Variants in GSDMD observed in about 807,000 individuals in gnomAD.
The protein encoded by GSDMD is gasdermin-D.
In GSDMD, 46 loss-of-function variants were observed where a neutral mutation model predicts 46.7. That is an observed-to-expected ratio of 0.99 (90% CI 0.78 to 1.26). The LOEUF is 1.26. GSDMD is among the 50% of genes most tolerant of loss of function. The pLI is 0.00. For synonymous variants in GSDMD, 307 were observed against 283.1 expected (o/e 1.08, Z -0.85); for missense variants, 649 against 638.8 (o/e 1.02, Z -0.17).
rs556716004 is a variant in GSDMD at position 143,560,642 on chromosome 8, G to T, written c.450G>T (p.Leu150=). Residue 150 remains leucine, a synonymous_variant, in exon 4 of 11, where the codon CTG becomes CTT. Transcript: ENST00000262580. ...RQPEHKVLQQ[L]RSRGDNVYVV... ...CAGAACACAAAGTCCTGCAGCAGCT[G>T]CGCAGCCGCGGGGACAACGTGTACG... 1.2e-5 allele frequency: 19 copies of T among 1,590,806 alleles called. No individual in the cohort carries two copies. The African/African-American group carries it at 2.5e-4, about 21-fold the overall frequency.
At chr8:143,561,875 G>GC (rs764873857) in intron 7 of GSDMD, 47 bp downstream of exon 7, 4 of 1,609,690 alleles carry the variant, frequency 2.5e-6, no homozygotes, top group South Asian at 1.1e-5. Flanking sequence ...GGGCTCTCCT[G>GC]CCCCCTGGGG....
chr8:143,561,635 G>C (rs915162393), intron 6 of GSDMD, 107 bp from the exon 7 acceptor site: 11 of 1,026,638 alleles, frequency 1.1e-5, no homozygotes, highest in Non-Finnish European at 1.6e-5. Context: ...GCCAGTGTTG[G>C]CAGTGGTGAG....
upstream of GSDMD, among the ~76,000 whole-genome samples, chr8:143,557,442 C>A (rs113639311): frequency 6.7e-6 from 1 of 149,922 alleles, no homozygotes; most frequent in Non-Finnish European, 1.5e-5. Context: ...GCCGCTGTGA[C>A]GACGGATGCT....
intron 1 of GSDMD, 180 bp downstream of exon 1, chr8:143,558,631 G>T: frequency 1.6e-6 from 1 of 641,854 alleles, no homozygotes; most frequent in Non-Finnish European, 2.5e-6. Flanking sequence ...CAGCCCAGGG[G>T]CCCGGCCTTT....
At chr8:143,559,113 C>T in intron 1 of GSDMD, 1 of 599,622 alleles carries the variant, frequency 1.7e-6, no homozygotes, top group Non-Finnish European at 3.0e-6. Context: ...TGGAGGTGCT[C>T]ATGGTACCGT....
At position 143,562,278 on chromosome 8, in the gene GSDMD, CTGG is replaced by C. The variant is rs1823482605; in HGVS notation, c.1069_1071del (p.Val357del). 1 of 1,556,174 alleles carries C rather than the reference CTGG, an allele frequency of 6.4e-7. No homozygotes were observed. Among genetic ancestry groups the C allele is most frequent in the Non-Finnish European group, 8.7e-7 (1 of 1,151,304 alleles). On this transcript the variant is annotated inframe_deletion, in exon 9 of 11. Transcript: ENST00000262580. ...TCCAGCAGGTGCTGTCCTGGAGTGC[CTGG>C]TGTTGTCCTCCGGAATGCTGGTGCC... is the stretch of plus-strand genomic sequence containing the variant.
Position 143,560,787 on chromosome 8 carries a change from C to CG in GSDMD, c.579+19dup. 6.6e-7 allele frequency: 1 copy of CG among 1,511,016 alleles called. No individual in the cohort carries two copies. Among genetic ancestry groups the CG allele is most frequent in the Non-Finnish European group, 8.8e-7 (1 of 1,129,982 alleles). The allele number at this position is 1,511,016 out of a possible 1,614,324, so 93.6% of individuals were successfully genotyped here. On this transcript the variant is annotated intron_variant, in intron 4 of 10. Coordinates refer to ENST00000262580, the MANE Select transcript of GSDMD (RefSeq NM_024736.7). ...GTGCTTGCAGGTGTGTAGCCAGCCCCGGGCCACGCCTGGCCCCCCACGTGG... is the reference window on the plus strand; with the variant it reads ...GTGCTTGCAGGTGTGTAGCCAGCCCCGGGGCCACGCCTGGCCCCCCACGTGG...
chr8:143,560,417 G>A (rs1387667126), intron 3 of GSDMD, 186 bp from the exon 4 acceptor site: 1 of 646,888 alleles, frequency 1.5e-6, no homozygotes, highest in East Asian at 2.7e-5. Context: ...GAGTCCCCGA[G>A]TCCACCTTTC....
At chr8:143,561,131 G>T in intron 5 of GSDMD, 27 bp downstream of exon 5, 1 of 1,598,518 alleles carries the variant, frequency 6.3e-7, no homozygotes, top group Non-Finnish European at 8.6e-7. Context: ...GGTGTCTCGG[G>T]CCCAGGCCCT....
chr8:143,561,307 G>T, intron 5 of GSDMD, 63 bp from the exon 6 acceptor site: 2 of 1,486,758 alleles, frequency 1.3e-6, no homozygotes, highest in East Asian at 2.4e-5. Context: ...TAGTAGGGGA[G>T]GGGAGGGGAT....
chr8:143,561,037 G>A lies in GSDMD; in HGVS notation c.615G>A (p.Thr205=), dbSNP rs145648319. The change falls in exon 5 of 11, where the codon ACG becomes ACA. Residue 205 remains threonine (T), a synonymous_variant. Transcript: ENST00000262580. ...EGQGHLSQKK[T]VTIPSGSTLA... ...AGGGCCATCTGAGCCAGAAGAAGAC[G>A]GTCACCATCCCCTCAGGCAGCACCC... The A allele has an allele frequency of 1.0e-4, 163 of 1,613,036 alleles. No individual in the cohort carries two copies. The highest frequency in any genetic ancestry group is 1.1e-4 in the Non-Finnish European group (130 of 1,179,960).
chr8:143,558,555 G>C lies in GSDMD; in HGVS notation c.-5+104G>C, dbSNP rs532939073. 9.9e-4 allele frequency: 1,125 copies of C among 1,133,890 alleles called. 6 individuals are homozygous for C. The highest frequency in any genetic ancestry group is 1.9e-3 in the East Asian group (60 of 31,892). 70.2% of individuals were successfully genotyped at this position (1,133,890 alleles called of 1,614,324 possible). ...TGCTGGCCCTGCTGCCCCAGCGTTC[G>C]CCCAGAAGGCCCCGCGCCGCACACG... On this transcript the variant is annotated intron_variant, in intron 1 of 10. Transcript: ENST00000262580.
Position 143,561,785 on chromosome 8 carries a change from CT to C in GSDMD, c.781del (p.Ser261LeufsTer5). 6.2e-7 allele frequency: 1 copy of C among 1,610,580 alleles called. No individual in the cohort carries two copies. Among genetic ancestry groups the C allele is most frequent in the Non-Finnish European group, 8.5e-7 (1 of 1,178,882 alleles). ...GCGAAGGCGCCTGGCCACAGCTGCC[CT>C]CTGGCCTCTCCATGATGAGGTGCCT... is the stretch of plus-strand genomic sequence containing the variant. Reference protein sequence around the residue: ...TSEGAWPQLPSGLSMMRCLHN... With the variant: ...TSEGAWPQLPXGLSMMRCLHN... On this transcript the variant is annotated frameshift_variant, in exon 7 of 11. Coordinates refer to ENST00000262580, the MANE Select transcript of GSDMD (RefSeq NM_024736.7). LOFTEE classifies it high-confidence loss of function.
rs761063210 is a variant in GSDMD, at chr8:143,559,368, A to G, written c.33A>G (p.Arg11=). Residue 11 remains arginine (R), a synonymous_variant, in exon 2 of 11, where the codon AGA becomes AGG. Coordinates refer to ENST00000262580, the MANE Select transcript of GSDMD (RefSeq NM_024736.7). MGSAFERVVR[R]VVQELDHGGE... ...CGGCCTTTGAGCGGGTAGTCCGGAGAGTGGTCCAGGAGCTGGACCATGGTG... is the reference window on the plus strand; with the variant it reads ...CGGCCTTTGAGCGGGTAGTCCGGAGGGTGGTCCAGGAGCTGGACCATGGTG... The G allele has an allele frequency of 1.3e-4, 201 of 1,555,468 alleles. No homozygotes were observed. The highest frequency in any genetic ancestry group is 5.5e-4 in the Admixed American group (32 of 57,820).
In GSDMD at chr8:143,559,521, G is replaced by A. The variant is rs1475107029; in HGVS notation, c.186G>A (p.Lys62=). 1.9e-6 allele frequency: 3 copies of A among 1,612,822 alleles called. No individual in the cohort carries two copies. The highest frequency in any genetic ancestry group is 2.5e-6 in the Non-Finnish European group (3 of 1,179,948). The stretch of plus-strand genomic sequence containing the variant: ...ATAAGTGTGTCAACCTGTCTATCAA[G>A]GACATCCTGGAGCCGGATGCCGCGG... ...PRYKCVNLSI[K]DILEPDAAEP... Residue 62 remains lysine, a synonymous_variant, in exon 2 of 11, where the codon AAG becomes AAA. Transcript: ENST00000262580.
chr8:143,554,127 G>A (rs899253744), upstream of GSDMD, among the ~76,000 whole-genome samples: 2 of 152,252 alleles, frequency 1.3e-5, no homozygotes, highest in Non-Finnish European at 2.9e-5. Context: ...GGGAGGAGGG[G>A]AGGAGGGAGG....
chr8:143,562,244 C>T lies in GSDMD; in HGVS notation c.1032C>T (p.Pro344=), dbSNP rs1343758519. ...GCCAGAGCCTTGGGCCGGTGGAGCC[C>T]CTGGACGGTCCAGCAGGTGCTGTCC... ...EQGQSLGPVE[P]LDGPAGAVLE... is the part of the protein sequence containing the mutation. The change falls in exon 9 of 11, where the codon CCC becomes CCT. Residue 344 remains proline, a synonymous_variant. Transcript: ENST00000262580. 2 of 1,562,410 alleles carry T rather than the reference C, an allele frequency of 1.3e-6. No individual in the cohort carries two copies. Among genetic ancestry groups the T allele is most frequent in the African/African-American group, 1.4e-5 (1 of 73,798 alleles).
chr8:143,554,213 G>A (rs1823259344), upstream of GSDMD, among the ~76,000 whole-genome samples: 1 of 152,254 alleles, frequency 6.6e-6, no homozygotes, highest in Non-Finnish European at 1.5e-5. Flanking sequence ...ACCTGCACAT[G>A]AACACACACA....
In GSDMD at chr8:143,561,367, C is replaced by G; in HGVS notation, c.683-3C>G. The G allele has an allele frequency of 6.2e-7, 1 of 1,606,908 alleles. No homozygotes were observed. Among genetic ancestry groups the G allele is most frequent in the Non-Finnish European group, 8.5e-7 (1 of 1,176,984 alleles). ...TCCCTGTCTGCTCCCGTCTGGCTGC[C>G]AGACGTCCTTCTCTTCCCGGATAAG... On this transcript the variant is annotated splice_region_variant and splice_polypyrimidine_tract_variant and intron_variant, in intron 5 of 10. Transcript: ENST00000262580.
Sources: gnomAD v4.1 joint callset for allele counts (sites outside exome capture counted in the v4.1 genomes callset) on GRCh38, gnomAD v4.1.1 for gene constraint, MANE v1.5 for transcripts, NCBI Gene and HGNC (gene_info 2026-07-23, HGNC 2026-07-21) for gene names.